Variants in ICAM1 observed in about 807,000 individuals in gnomAD.
ICAM1 encodes the protein intercellular adhesion molecule 1, also known as ICAM-1.
In ICAM1, 28 loss-of-function variants were observed where a neutral mutation model predicts 42.3. The ratio of observed to expected loss-of-function variants is 0.66; its 90% CI spans 0.49 to 0.91. The LOEUF (loss-of-function observed/expected upper bound fraction) is 0.91. Among genes scored for constraint, ICAM1 ranks in the 40% least tolerant of loss-of-function variants. The pLI, the probability that ICAM1 is intolerant of heterozygous loss-of-function variation, is 0.00. For synonymous variants in ICAM1, 304 were observed against 305.9 expected (o/e 0.99, Z 0.07); for missense variants, 637 against 688.6 (o/e 0.93, Z 0.84).
At chr19:10,278,580 TGA>T (rs2040033643) in intron 2 of ICAM1, among the ~76,000 whole-genome samples, 3 of 132,018 alleles carry the variant, frequency 2.3e-5, no homozygotes, top group Non-Finnish European at 3.2e-5. Context: ...TTCTTTTTTT[TGA>T]CACACAGTCT....
Position 10,284,605 on chromosome 19 carries a change from G to A in ICAM1, c.1128G>A (p.Glu376=). Residue 376 remains glutamate (E), a synonymous_variant, in exon 5 of 7, where the codon GAG becomes GAA. Coordinates refer to ENST00000264832, the MANE Select transcript of ICAM1 (RefSeq NM_000201.3). The surrounding 1 kb of genome is among the most constrained non-coding windows in gnomAD (Gnocchi z 5.4). ...GCTTCTCCTGCTCTGCAACCCTGGAGGTGGCCGGCCAGCTTATACACAAGA... is the reference window on the plus strand; with the variant it reads ...GCTTCTCCTGCTCTGCAACCCTGGAAGTGGCCGGCCAGCTTATACACAAGA... ...GRSFSCSATL[E]VAGQLIHKNQ... The A allele has an allele frequency of 6.2e-7, 1 of 1,614,188 alleles. No individual in the cohort carries two copies. Among genetic ancestry groups the A allele is most frequent in the African/African-American group, 1.3e-5 (1 of 75,056 alleles).
At chr19:10,281,536 A>G (rs2040059160) in intron 2 of ICAM1, among the ~76,000 whole-genome samples, 2 of 151,970 alleles carry the variant, frequency 1.3e-5, no homozygotes, top group African/African-American at 4.8e-5. Context: ...AAATATTTCA[A>G]TCACTCTAAA....
chr19:10,278,562 T>TTTTTTTG (rs2040033005), intron 2 of ICAM1, among the ~76,000 whole-genome samples: 2 of 100,796 alleles, frequency 2.0e-5, no homozygotes, highest in African/African-American at 7.7e-5. Context: ...TTTTTTTTTT[T>TTTTTTTG]TTTTTTTTTC....
Position 10,284,364 on chromosome 19 carries a change from C to A in ICAM1, c.926-39C>A, listed in dbSNP as rs1256793035. 8 of 1,612,002 alleles carry A rather than the reference C, an allele frequency of 5.0e-6. No homozygotes were observed. Among genetic ancestry groups the A allele is most frequent in the African/African-American group, 1.3e-5 (1 of 75,044 alleles). ...GGAGTGGGGCTTCTTGGGGGTGTGA[C>A]CTGAACCCGGGGCGGGGCTCACTGT... On this transcript the variant is annotated intron_variant, in intron 4 of 6. Coordinates refer to ENST00000264832, the MANE Select transcript of ICAM1 (RefSeq NM_000201.3). The surrounding 1 kb of genome is among the most constrained non-coding windows in gnomAD (Gnocchi z 5.4).
chr19:10,281,891 A>C (rs2040062156), intron 2 of ICAM1, among the ~76,000 whole-genome samples: 1 of 151,564 alleles, frequency 6.6e-6, no homozygotes. Flanking sequence ...CAGGCACACA[A>C]CACCACGCCT....
rs1599271710 is a variant in ICAM1, at chr19:10,285,013, A to G, written c.1411A>G (p.Thr471Ala). Residue 471 changes from threonine (T) to alanine (A), a missense_variant, in exon 6 of 7, where the codon ACC becomes GCC. Physicochemically the swap from Thr to Ala is moderately conservative, Grantham distance 58. Transcript: ENST00000264832. ...STQGEVTRKV[T>A]VNVLSPRYEI... The stretch of plus-strand genomic sequence containing the variant: ...TCAAGGGGAGGTCACCCGCAAGGTG[A>G]CCGTGAATGTGCTCTGTGAGTGAGC... 1.2e-6 allele frequency: 2 copies of G among 1,613,586 alleles called. No individual in the cohort carries two copies. Among genetic ancestry groups the G allele is most frequent in the Non-Finnish European group, 1.7e-6 (2 of 1,179,860 alleles).
Position 10,284,324 on chromosome 19 carries a change from A to AGAAGGG in ICAM1, c.925+6_925+11dup, listed in dbSNP as rs778172789. 4 of 1,613,096 alleles carry AGAAGGG rather than the reference A, an allele frequency of 2.5e-6. No homozygotes were observed. The African/African-American group carries it at 5.3e-5, about 21-fold the overall frequency. On this transcript the variant is annotated splice_donor_region_variant and intron_variant, in intron 4 of 6. Coordinates refer to ENST00000264832, the MANE Select transcript of ICAM1 (RefSeq NM_000201.3). The surrounding 1 kb of genome is among the most constrained non-coding windows in gnomAD (Gnocchi z 5.4). ...CTGCAGACAGTGACCATCTACAGTA[A>AGAAGGG]GAAGGGGCAGGGGCGGAGTGGGGCT...
chr19:10,280,485 T>C (rs2040048335), intron 2 of ICAM1, among the ~76,000 whole-genome samples: 1 of 151,608 alleles, frequency 6.6e-6, no homozygotes, highest in African/African-American at 2.4e-5. Flanking sequence ...GAAATCCTCC[T>C]CCCACCCTTA....
chr19:10,280,505 G>C (rs2040048446), intron 2 of ICAM1, among the ~76,000 whole-genome samples: 1 of 151,614 alleles, frequency 6.6e-6, no homozygotes, highest in African/African-American at 2.4e-5. Context: ...AGCCTCCTGA[G>C]TAGCAGGGAC....
Position 10,286,024 on chromosome 19 carries a change from A to C in ICAM1, c.*737A>C, listed in dbSNP as rs2040103357. ...AGGAGTGATTTTTCTATCGGCACAAAAGCACTATATGGACTGGTAATGGTT... is the reference window on the plus strand; with the variant it reads ...AGGAGTGATTTTTCTATCGGCACAACAGCACTATATGGACTGGTAATGGTT... On this transcript the variant is annotated 3_prime_UTR_variant, in exon 7 of 7. Coordinates refer to ENST00000264832, the MANE Select transcript of ICAM1 (RefSeq NM_000201.3). 1 of 152,382 alleles carries C rather than the reference A, an allele frequency of 6.6e-6. No homozygotes were observed. Among genetic ancestry groups the C allele is most frequent in the African/African-American group, 2.4e-5 (1 of 41,426 alleles). 9.4% of individuals were successfully genotyped at this position (152,382 alleles called of 1,614,324 possible). A position where few individuals can be genotyped will look rare whatever the true frequency, so the allele number is the denominator to read the frequency against.
At chr19:10,275,403 A>G (rs1001657948) in intron 2 of ICAM1, among the ~76,000 whole-genome samples, 1 of 152,170 alleles carries the variant, frequency 6.6e-6, no homozygotes. Flanking sequence ...AGGCTGAGGC[A>G]GGAGAACGCT....
intron 2 of ICAM1, among the ~76,000 whole-genome samples, chr19:10,276,430 AGCTACTCAGGAG>A (rs985884029): frequency 7.3e-5 from 11 of 151,298 alleles, no homozygotes; most frequent in Non-Finnish European, 1.2e-4. Flanking sequence ...CTGTGGTCCC[AGCTACTCAGGAG>A]GCTGAGGCAG....
chr19:10,271,286 C>G, intron 1 of ICAM1, 60 bp downstream of exon 1: 1 of 1,494,674 alleles, frequency 6.7e-7, no homozygotes, highest in Non-Finnish European at 9.2e-7. Flanking sequence ...AGGACCGGCT[C>G]CCGGGTCAGG....
intron 1 of ICAM1, among the ~76,000 whole-genome samples, chr19:10,272,564 T>C (rs907726821): frequency 3.6e-5 from 4 of 112,546 alleles, no homozygotes; most frequent in East Asian, 4.2e-4. Flanking sequence ...TCTTTTCTTT[T>C]TTTTTTTTTT....
At position 10,271,233 on chromosome 19, in the gene ICAM1, C is replaced by CGGGGCTCTGTTCCCA; in HGVS notation, c.67+11_67+12insCTCTGTTCCCAGGGG. The CGGGGCTCTGTTCCCA allele has an allele frequency of 6.2e-7, 1 of 1,612,254 alleles. No homozygotes were observed. Among genetic ancestry groups the CGGGGCTCTGTTCCCA allele is most frequent in the Non-Finnish European group, 8.5e-7 (1 of 1,179,180 alleles). ...CTCGGGGCTCTGTTCCCAGGTGAGT[C>CGGGGCTCTGTTCCCA]GGGGTGGGGATTGCCGTCGGGCCAG... On this transcript the variant is annotated splice_region_variant and intron_variant, in intron 1 of 6. Coordinates refer to ENST00000264832, the MANE Select transcript of ICAM1 (RefSeq NM_000201.3).
chr19:10,279,150 T>C (rs954757308), intron 2 of ICAM1, among the ~76,000 whole-genome samples: 1 of 152,132 alleles, frequency 6.6e-6, no homozygotes, highest in East Asian at 1.9e-4. Context: ...TTGAAGGATG[T>C]GTAGGAGTTC....
At chr19:10,272,724 C>T (rs780684342) in intron 1 of ICAM1, among the ~76,000 whole-genome samples, 4 of 151,992 alleles carry the variant, frequency 2.6e-5, no homozygotes, top group African/African-American at 9.7e-5. Flanking sequence ...TGCCATCACA[C>T]CCGGCTAATC....
chr19:10,280,868 C>CTTTTT (rs869262659), intron 2 of ICAM1, among the ~76,000 whole-genome samples: 3 of 70,092 alleles, frequency 4.3e-5, no homozygotes, highest in Admixed American at 2.1e-4. Context: ...CGTGCCCGGC[C>CTTTTT]TTTTTTTTTT....
In ICAM1 at chr19:10,283,704, G is replaced by C. The variant is rs146324794; in HGVS notation, c.555G>C (p.Ser185=). ...GAGATCACCATGGAGCCAATTTCTC[G>C]TGCCGCACTGAACTGGACCTGCGGC... ...VRRDHHGANF[S]CRTELDLRPQ... is the part of the protein sequence containing the mutation. The change falls in exon 3 of 7, where the codon TCG becomes TCC. Residue 185 remains serine (S), a synonymous_variant. Transcript: ENST00000264832. The C allele has an allele frequency of 1.9e-6, 3 of 1,613,914 alleles. No individual in the cohort carries two copies. The highest frequency in any genetic ancestry group is 1.1e-5 in the South Asian group (1 of 91,038).
Sources: allele counts gnomAD v4.1 joint callset (sites outside exome capture counted in the v4.1 genomes callset), GRCh38; gene constraint gnomAD v4.1.1; non-coding constraint Gnocchi (gnomAD v3.1); transcripts MANE v1.5; gene names NCBI Gene and HGNC (gene_info 2026-07-23, HGNC 2026-07-21).